TENM3: variants seen among roughly 807,000 people sequenced by gnomAD.
TENM3 encodes teneurin-3.
A neutral mutation model predicts 255.1 loss-of-function variants in TENM3; 63 were observed. That is an observed-to-expected ratio of 0.25 (90% confidence interval 0.20 to 0.30). TENM3 has a LOEUF of 0.30. Among genes scored for constraint, TENM3 ranks in the 10% least tolerant of loss-of-function variants. The pLI is 1.00. For missense variants in TENM3, 2,929 were observed against 3,461.1 expected, an observed-to-expected ratio of 0.85 and a Z score of 3.86; for synonymous variants, 1,306 against 1,322.3, an observed-to-expected ratio of 0.99 and a Z score of 0.27.
the TENM3 span, among the ~76,000 whole-genome samples, chr4:181,799,240 C>T: frequency 6.6e-6 from 1 of 152,302 alleles, no homozygotes; most frequent in African/African-American, 2.4e-5. Context: ...GAGTGATAGC[C>T]TGCTGATTCT....
At chr4:182,090,922 C>G in the TENM3 span, among the ~76,000 whole-genome samples, 1 of 152,000 alleles carries the variant, frequency 6.6e-6, no homozygotes, top group South Asian at 2.1e-4. Flanking sequence ...TCTTCTAATC[C>G]CTCTGTCCTA....
upstream of TENM3, among the ~76,000 whole-genome samples, chr4:182,239,794 A>C (rs1210384916): frequency 1.0e-5 from 1 of 96,946 alleles, no homozygotes; most frequent in African/African-American, 8.0e-5. Flanking sequence ...AATAATCGCA[A>C]AAAAAGCTTT....
chr4:181,532,058 G>A, the TENM3 span, among the ~76,000 whole-genome samples: 4 of 152,184 alleles, frequency 2.6e-5, no homozygotes, highest in African/African-American at 9.6e-5. Context: ...AAGCCATTAT[G>A]TCTTTGAAGT....
At chr4:181,592,960 G>A in the TENM3 span, among the ~76,000 whole-genome samples, 68 of 152,270 alleles carry the variant, frequency 4.5e-4, no homozygotes, top group African/African-American at 1.5e-3. Context: ...TTATGGGATA[G>A]GATTCTGGTG....
At chr4:182,359,925 T>C (rs1257749629) in intron 3 of TENM3, among the ~76,000 whole-genome samples, 2 of 151,306 alleles carry the variant, frequency 1.3e-5, no homozygotes, top group Non-Finnish European at 3.0e-5. Context: ...GTTGTGTCTT[T>C]GTTCTCGTTG....
chr4:182,038,908 T>A, the TENM3 span, among the ~76,000 whole-genome samples: 63 of 152,164 alleles, frequency 4.1e-4, no homozygotes, highest in Non-Finnish European at 3.4e-4. Flanking sequence ...TAATTTTGTA[T>A]TTTCAGCAGA....
the TENM3 span, among the ~76,000 whole-genome samples, chr4:181,989,804 A>G: frequency 3.3e-5 from 5 of 152,162 alleles, no homozygotes; most frequent in Non-Finnish European, 7.4e-5. Context: ...CCTGTTTTTT[A>G]ATGCTTACAT....
chr4:182,615,365 A>G (rs959023971), intron 4 of TENM3, among the ~76,000 whole-genome samples: 2 of 152,140 alleles, frequency 1.3e-5, no homozygotes, highest in African/African-American at 4.8e-5. Flanking sequence ...AAATTAATGA[A>G]GCATTTTGGG....
chr4:181,535,188 T>G, the TENM3 span, among the ~76,000 whole-genome samples: 2 of 152,170 alleles, frequency 1.3e-5, no homozygotes, highest in African/African-American at 4.8e-5. Flanking sequence ...GGGCAGTGGT[T>G]CATCTGCAGC....
chr4:181,464,639 T>A, the TENM3 span, among the ~76,000 whole-genome samples: 9 of 150,092 alleles, frequency 6.0e-5, 1 homozygote, highest in South Asian at 6.2e-4. Flanking sequence ...AGAAGCATAT[T>A]TTTTTTTCAA....
intron 3 of TENM3, among the ~76,000 whole-genome samples, chr4:182,520,792 AAAT>A (rs1484428314): frequency 2.0e-5 from 3 of 152,224 alleles, no homozygotes; most frequent in Non-Finnish European, 4.4e-5. Context: ...CTTAAAAGAA[AAAT>A]AATTATAGTA....
chr4:181,886,048 G>GTT, the TENM3 span, among the ~76,000 whole-genome samples: 445 of 102,492 alleles, frequency 4.3e-3, 2 homozygotes, highest in African/African-American at 7.6e-3. Context: ...TTTTTCTTGG[G>GTT]TTTTTTTTTT....
At chr4:181,489,564 T>C in the TENM3 span, among the ~76,000 whole-genome samples, 1 of 152,242 alleles carries the variant, frequency 6.6e-6, no homozygotes, top group African/African-American at 2.4e-5. Context: ...AGTCTCACTG[T>C]TTATTTTAAG....
the TENM3 span, among the ~76,000 whole-genome samples, chr4:182,061,906 A>C: frequency 6.6e-6 from 1 of 152,192 alleles, no homozygotes; most frequent in African/African-American, 2.4e-5. Context: ...GCAGTGAGCC[A>C]TCATTGCACC....
chr4:182,738,277 A>G (rs1285272793), intron 17 of TENM3, 124 bp from the exon 18 acceptor site: 1 of 782,444 alleles, frequency 1.3e-6, no homozygotes, highest in Non-Finnish European at 1.9e-6. Flanking sequence ...TAAACTGCTC[A>G]TAAATAAGTG....
chr4:182,588,701 G>GT lies in TENM3; in HGVS notation c.512-12217dup, dbSNP rs200690901. 5.1e-3 allele frequency among the ~76,000 whole-genome samples: 769 copies of GT among 152,224 alleles called. 9 individuals are homozygous for GT. Among genetic ancestry groups the GT allele is most frequent in the African/African-American group, 0.016 (676 of 41,552 alleles). On this transcript the variant is annotated intron_variant, in intron 3 of 27. Coordinates refer to ENST00000511685, the MANE Select transcript of TENM3 (RefSeq NM_001080477.4). ...GACATTTTAAAGGTATTTTTATCCA[G>GT]TTTTTTATGCATGTATAAAAGATAT...
At chr4:182,580,913 C>T (rs1745430502) in intron 3 of TENM3, among the ~76,000 whole-genome samples, 1 of 152,102 alleles carries the variant, frequency 6.6e-6, no homozygotes, top group Non-Finnish European at 1.5e-5. Context: ...AGAAAATATT[C>T]TAAGAATACT....
At chr4:182,740,195 T>A (rs185908410) in intron 18 of TENM3, among the ~76,000 whole-genome samples, 3 of 152,336 alleles carry the variant, frequency 2.0e-5, no homozygotes, top group African/African-American at 7.2e-5. Flanking sequence ...TCCAGTTACG[T>A]CCTGGACATC....
the TENM3 span, among the ~76,000 whole-genome samples, chr4:181,753,540 A>AT: frequency 2.0e-5 from 3 of 152,044 alleles, no homozygotes; most frequent in African/African-American, 4.8e-5. Flanking sequence ...GAAAAAAAAA[A>AT]AAGATGGATT....
Sources: allele counts gnomAD v4.1 joint callset (sites outside exome capture counted in the v4.1 genomes callset), GRCh38; gene constraint gnomAD v4.1.1; transcripts MANE v1.5; gene names NCBI Gene and HGNC (gene_info 2026-07-23, HGNC 2026-07-21).